Variants in IMMP2L observed in about 807,000 individuals in gnomAD.
IMMP2L encodes the protein mitochondrial inner membrane protease subunit 2.
IMMP2L carries 18 observed loss-of-function variants against 19.3 expected under a neutral mutation model. That is an observed-to-expected ratio of 0.93 (90% CI 0.64 to 1.38). IMMP2L has a LOEUF of 1.38. Among genes scored for constraint, IMMP2L ranks in the 40% most tolerant of loss-of-function variants. The pLI is 0.00. For missense variants in IMMP2L, 233 were observed against 218.2 expected, an observed-to-expected ratio of 1.07 and a Z score of -0.43; for synonymous variants, 76 against 73.0, an observed-to-expected ratio of 1.04 and a Z score of -0.21.
At chr7:110,721,049 A>G (rs757058386) in intron 5 of IMMP2L, among the ~76,000 whole-genome samples, 8 of 149,744 alleles carry the variant, frequency 5.3e-5, no homozygotes, top group Non-Finnish European at 1.0e-4. Context: ...TGCCTGTTAT[A>G]CAAAAATAAG....
intron 3 of IMMP2L, among the ~76,000 whole-genome samples, chr7:111,068,292 T>A (rs1321102815): frequency 1.3e-5 from 2 of 152,114 alleles, no homozygotes; most frequent in Non-Finnish European, 2.9e-5. Context: ...TGGGCAGCAT[T>A]TTTCATTGTG....
At chr7:110,860,822 A>G (rs561807752) in intron 5 of IMMP2L, among the ~76,000 whole-genome samples, 1 of 152,254 alleles carries the variant, frequency 6.6e-6, no homozygotes, top group African/African-American at 2.4e-5. Flanking sequence ...TAAGAAAACT[A>G]AAACAAAGGT....
chr7:111,280,432 G>C (rs1425621575), intron 3 of IMMP2L, among the ~76,000 whole-genome samples: 1 of 152,116 alleles, frequency 6.6e-6, no homozygotes, highest in African/African-American at 2.4e-5. Context: ...CCTTATCACA[G>C]TGTGAGAATA....
chr7:111,241,539 C>T (rs1328901773), intron 3 of IMMP2L, among the ~76,000 whole-genome samples: 1 of 151,848 alleles, frequency 6.6e-6, no homozygotes, highest in Non-Finnish European at 1.5e-5. Context: ...GCAAGGACAA[C>T]CCTACACATG....
At chr7:111,416,624 T>C (rs1585017575) in intron 3 of IMMP2L, among the ~76,000 whole-genome samples, 1 of 151,782 alleles carries the variant, frequency 6.6e-6, no homozygotes, top group East Asian at 1.9e-4. Flanking sequence ...TTTTAGCCCA[T>C]CATATAAGGT....
chr7:110,697,243 G>C (rs1793959759), intron 5 of IMMP2L, among the ~76,000 whole-genome samples: 1 of 152,100 alleles, frequency 6.6e-6, no homozygotes, highest in Non-Finnish European at 1.5e-5. Context: ...GAAGCATGCT[G>C]GGTACAAAAA....
intron 3 of IMMP2L, among the ~76,000 whole-genome samples, chr7:111,045,856 C>T (rs1792341578): frequency 6.6e-6 from 1 of 152,070 alleles, no homozygotes; most frequent in African/African-American, 2.4e-5. Context: ...TTATGATAAA[C>T]CATTAAGTTT....
intron 5 of IMMP2L, among the ~76,000 whole-genome samples, chr7:110,717,459 C>T (rs893841948): frequency 5.9e-5 from 9 of 152,156 alleles, no homozygotes; most frequent in Non-Finnish European, 8.8e-5. Context: ...AGCAAGACTA[C>T]GTCTCAAAAC....
At position 111,485,617 on chromosome 7, in the gene IMMP2L, A is replaced by AAAAAAAAC. The variant is rs1554518101; in HGVS notation, c.239+1620_239+1621insGTTTTTTT. Among the ~76,000 whole-genome samples, 301 of 147,140 alleles carry AAAAAAAAC rather than the reference A, an allele frequency of 2.0e-3. 14 individuals carry two copies. Among genetic ancestry groups the AAAAAAAAC allele is most frequent in the African/African-American group, 7.3e-3 (278 of 38,136 alleles). On this transcript the variant is annotated intron_variant, in intron 3 of 5. Transcript: ENST00000405709. ...TGTTTCAAAAAAAAAAAAAAAAAAA[A>AAAAAAAAC]AAAAAAAACACAGTTCAACTGGAAT...
At chr7:111,264,533 A>G (rs2129940285) in intron 3 of IMMP2L, among the ~76,000 whole-genome samples, 1 of 152,066 alleles carries the variant, frequency 6.6e-6, no homozygotes. Flanking sequence ...GTTTTCGCCC[A>G]ACAGGAATCA....
chr7:110,663,333 G>A lies in IMMP2L; in HGVS notation c.*269C>T. On this transcript the variant is annotated 3_prime_UTR_variant, in exon 6 of 6. Coordinates refer to ENST00000405709, the MANE Select transcript of IMMP2L (RefSeq NM_032549.4). ...AATTCAGCCCCATTAAGACATGTGG[G>A]TGCAATATTTTTATATTCCCAAAGG... The A allele has an allele frequency of 3.5e-6, 1 of 286,718 alleles. No individual in the cohort carries two copies. Among genetic ancestry groups the A allele is most frequent in the East Asian group, 8.2e-5 (1 of 12,262 alleles). The allele number at this position is 286,718 out of a possible 1,614,324, so 17.8% of individuals were successfully genotyped here.
At chr7:111,225,691 C>CA (rs36112021) in intron 3 of IMMP2L, among the ~76,000 whole-genome samples, 73,571 of 112,440 alleles carry the variant, frequency 0.65, 22,344 homozygotes, top group Non-Finnish European at 0.68. Flanking sequence ...GAGATAGAGC[C>CA]AAAAAAAAAA....
At position 110,924,206 on chromosome 7, in the gene IMMP2L, A is replaced by G. The variant is rs1814598096; in HGVS notation, c.306-37511T>C. On this transcript the variant is annotated intron_variant, in intron 4 of 5. Coordinates refer to ENST00000405709, the MANE Select transcript of IMMP2L (RefSeq NM_032549.4). This position sits in a 1 kb window ranked among gnomAD's most constrained non-coding sequence, Gnocchi z 4.2. The stretch of plus-strand genomic sequence containing the variant: ...AAGCCAGGTTTGGGCCTATAAGAAC[A>G]TAGACAGCACTGTTTCTCCCCAGTG... Among the ~76,000 whole-genome samples the G allele has an allele frequency of 6.6e-6, 1 of 152,216 alleles. No homozygotes were observed. The highest frequency in any genetic ancestry group is 1.5e-5 in the Non-Finnish European group (1 of 68,044).
chr7:110,749,283 T>A (rs1243446458), intron 5 of IMMP2L, among the ~76,000 whole-genome samples: 1 of 152,180 alleles, frequency 6.6e-6, no homozygotes, highest in Non-Finnish European at 1.5e-5. Context: ...AGGAACGTTT[T>A]TACACTGTTG....
chr7:111,433,591 A>G (rs1289926786), intron 3 of IMMP2L, among the ~76,000 whole-genome samples: 1 of 151,814 alleles, frequency 6.6e-6, no homozygotes, highest in East Asian at 1.9e-4. Context: ...CATGGGAATT[A>G]TGGGAGTACA....
intron 5 of IMMP2L, among the ~76,000 whole-genome samples, chr7:110,859,154 A>C (rs957215428): frequency 1.3e-5 from 2 of 152,092 alleles, no homozygotes; most frequent in African/African-American, 4.8e-5. Flanking sequence ...CTGTAGGCCC[A>C]AGCAAACATT....
rs926950172 is a variant in IMMP2L at position 110,694,475 on chromosome 7, A to G, written c.409-30754T>C. ...CTCAGGGGAAAATTAAGGAAAAGAAAAAGTAATATTTAGGTCCTTAATTGC... is the reference window on the plus strand; with the variant it reads ...CTCAGGGGAAAATTAAGGAAAAGAAGAAGTAATATTTAGGTCCTTAATTGC... On this transcript the variant is annotated intron_variant, in intron 5 of 5. Coordinates refer to ENST00000405709, the MANE Select transcript of IMMP2L (RefSeq NM_032549.4). 2.6e-5 allele frequency among the ~76,000 whole-genome samples: 4 copies of G among 152,202 alleles called. No individual in the cohort carries two copies. The South Asian group carries it at 8.3e-4, about 31-fold the overall frequency.
intron 3 of IMMP2L, among the ~76,000 whole-genome samples, chr7:111,127,061 G>A (rs1022999510): frequency 1.3e-5 from 2 of 152,172 alleles, no homozygotes; most frequent in African/African-American, 4.8e-5. Context: ...AAACAAGAGG[G>A]TAAATTGAGT....
intron 4 of IMMP2L, among the ~76,000 whole-genome samples, chr7:110,907,975 C>T (rs1812649834): frequency 6.6e-6 from 1 of 152,132 alleles, no homozygotes; most frequent in South Asian, 2.1e-4. Flanking sequence ...GTACTTGCTG[C>T]TTGGCTGGAT....
Sources: gnomAD v4.1 joint callset for allele counts (sites outside exome capture counted in the v4.1 genomes callset) on GRCh38, gnomAD v4.1.1 for gene constraint, Gnocchi (gnomAD v3.1) non-coding constraint, MANE v1.5 for transcripts, NCBI Gene and HGNC (gene_info 2026-07-23, HGNC 2026-07-21) for gene names.